Variants in TENM2 observed in about 807,000 individuals in gnomAD.
TENM2 encodes the protein teneurin-2.
A neutral mutation model predicts 245.2 loss-of-function variants in TENM2; 52 were observed. The observed-to-expected ratio is 0.21, with a 90% CI of 0.17 to 0.27. The LOEUF (loss-of-function observed/expected upper bound fraction) is 0.27, where lower values mean the gene tolerates loss of function less well. Among genes scored for constraint, TENM2 ranks in the 10% least tolerant of loss-of-function variants. The probability of loss-of-function intolerance (pLI) is 1.00; values close to 1 mark genes in which losing one functional copy is unlikely to be tolerated. For synonymous variants in TENM2, 1,363 were observed against 1,438.9 expected (o/e 0.95, Z 1.19); for missense variants, 3,046 against 3,666.8 (o/e 0.83, Z 4.37).
chr5:168,262,782 TAAG>T (rs1297916971), exon 29 of TENM2: 1 of 1,607,228 alleles, frequency 6.2e-7, no homozygotes, highest in Non-Finnish European at 8.5e-7. Context: ...ATCCAGTTTT[TAAG>T]ACAGAATGAG....
intron 2 of TENM2, among the ~76,000 whole-genome samples, chr5:167,872,548 G>GAAAA (rs1313191288): frequency 3.1e-4 from 20 of 65,538 alleles, no homozygotes; most frequent in African/African-American, 7.5e-4. Context: ...AAGAAAGAAA[G>GAAAA]AGAAAGAAAG....
chr5:167,615,054 T>C (rs186680341), intron 2 of TENM2, among the ~76,000 whole-genome samples: 1 of 152,272 alleles, frequency 6.6e-6, no homozygotes, highest in East Asian at 1.9e-4. Context: ...AGGGTGAAAT[T>C]ATAATTTATG....
rs1168829796 is a variant in TENM2, at chr5:167,798,443, A to G, written c.503-77543A>G. On this transcript the variant is annotated intron_variant, in intron 2 of 28. Transcript: ENST00000518659. ...AAGAGGAAGAAGACGAGAACCTCCA[A>G]CTATGTAGAGGTAGGCACAGTATCA... 7.2e-5 allele frequency among the ~76,000 whole-genome samples: 11 copies of G among 152,180 alleles called. No individual in the cohort carries two copies. The East Asian group carries it at 1.7e-3, about 24-fold the overall frequency.
the TENM2 span, among the ~76,000 whole-genome samples, chr5:167,155,220 G>C: frequency 6.6e-6 from 1 of 152,312 alleles, no homozygotes; most frequent in South Asian, 2.1e-4. Flanking sequence ...GCAACCTGCC[G>C]TATTGTGGCA....
At chr5:167,802,372 G>T (rs1210533939) in intron 2 of TENM2, among the ~76,000 whole-genome samples, 1 of 152,018 alleles carries the variant, frequency 6.6e-6, no homozygotes, top group Non-Finnish European at 1.5e-5. Flanking sequence ...TGTTAAGTGG[G>T]ACCCTCCCAT....
At chr5:167,834,718 C>T (rs938185796) in intron 2 of TENM2, among the ~76,000 whole-genome samples, 7 of 149,748 alleles carry the variant, frequency 4.7e-5, no homozygotes, top group Non-Finnish European at 8.9e-5. Flanking sequence ...GGCGCGATCT[C>T]GGCTCACTGC....
At chr5:167,827,628 CGG>C (rs386405597) in intron 2 of TENM2, among the ~76,000 whole-genome samples, 2 of 34,244 alleles carry the variant, frequency 5.8e-5, no homozygotes, top group African/African-American at 2.2e-4. Context: ...GCTAGGTGGG[CGG>C]GGGGGGGGGA....
At chr5:167,037,882 C>A in the TENM2 span, among the ~76,000 whole-genome samples, 1 of 152,170 alleles carries the variant, frequency 6.6e-6, no homozygotes, top group Non-Finnish European at 1.5e-5. Context: ...AGACCCACTC[C>A]CACTTCCAAA....
the TENM2 span, among the ~76,000 whole-genome samples, chr5:167,277,331 G>C: frequency 6.6e-6 from 1 of 151,934 alleles, no homozygotes; most frequent in Non-Finnish European, 1.5e-5. Context: ...TCACTTTAAT[G>C]TATATTTTGA....
intron 5 of TENM2, among the ~76,000 whole-genome samples, chr5:168,032,087 C>T (rs2151957121): frequency 6.6e-6 from 1 of 152,166 alleles, no homozygotes; most frequent in Admixed American, 6.5e-5. Context: ...AGCCAGAGTC[C>T]CCAAGTTCAA....
chr5:168,256,395 C>T (rs1048934754), intron 27 of TENM2, among the ~76,000 whole-genome samples: 2 of 150,898 alleles, frequency 1.3e-5, no homozygotes, highest in Admixed American at 6.6e-5. Context: ...TTGATATTAA[C>T]GTACTTTTTA....
At chr5:168,245,793 T>C (rs539007889) in intron 26 of TENM2, among the ~76,000 whole-genome samples, 19 of 152,292 alleles carry the variant, frequency 1.2e-4, no homozygotes, top group African/African-American at 4.3e-4. Flanking sequence ...CCCTTGGTCC[T>C]TCCTGAATGC....
At chr5:167,735,030 G>C (rs796145478) in intron 2 of TENM2, among the ~76,000 whole-genome samples, 5 of 152,268 alleles carry the variant, frequency 3.3e-5, no homozygotes, top group African/African-American at 1.2e-4. Context: ...TTAACCAGAT[G>C]CATCCATTGT....
intron 15 of TENM2, among the ~76,000 whole-genome samples, chr5:168,198,611 G>A (rs375971901): frequency 6.6e-6 from 1 of 152,198 alleles, no homozygotes; most frequent in East Asian, 1.9e-4. Flanking sequence ...CATGTGTATT[G>A]GTGTAATTAT....
intron 2 of TENM2, among the ~76,000 whole-genome samples, chr5:167,456,617 G>A (rs1203761881): frequency 6.6e-6 from 1 of 152,020 alleles, no homozygotes; most frequent in Admixed American, 6.6e-5. Context: ...TATCCACTAG[G>A]ATATTAATTT....
intron 3 of TENM2, among the ~76,000 whole-genome samples, chr5:167,918,669 A>T (rs1330110575): frequency 6.6e-6 from 1 of 151,992 alleles, no homozygotes; most frequent in African/African-American, 2.4e-5. Flanking sequence ...TTGCAGGCTG[A>T]CCTCACTCTT....
At chr5:167,213,923 A>G in the TENM2 span, among the ~76,000 whole-genome samples, 8 of 152,254 alleles carry the variant, frequency 5.3e-5, no homozygotes, top group Non-Finnish European at 7.3e-5. Flanking sequence ...CTGATGGCCA[A>G]CGATTTGCCA....
chr5:168,118,549 T>A (rs1290339164), intron 10 of TENM2, 63 bp downstream of exon 12: 34 of 1,345,006 alleles, frequency 2.5e-5, no homozygotes, highest in Non-Finnish European at 3.2e-5. Flanking sequence ...GCCTGACCTT[T>A]GCTAATGAGC....
intron 3 of TENM2, among the ~76,000 whole-genome samples, chr5:167,948,563 C>T (rs1393165278): frequency 2.0e-5 from 3 of 152,168 alleles, no homozygotes; most frequent in African/African-American, 7.2e-5. Context: ...AAAAGCCACG[C>T]AGTACCTAAA....
Sources: allele counts gnomAD v4.1 joint callset (sites outside exome capture counted in the v4.1 genomes callset), GRCh38; gene constraint gnomAD v4.1.1; transcripts MANE v1.5; gene names NCBI Gene and HGNC (gene_info 2026-07-23, HGNC 2026-07-21).